The following NFATC3 variants were observed in gnomAD, a reference collection of about 807,000 sequenced individuals.
NFATC3 encodes the protein nuclear factor of activated T-cells, cytoplasmic 3.
NFATC3 carries 46 observed loss-of-function variants against 98.6 expected under a neutral mutation model. The ratio of observed to expected loss-of-function variants is 0.47; its 90% CI spans 0.37 to 0.60. The LOEUF (loss-of-function observed/expected upper bound fraction) is 0.60, where lower values mean the gene tolerates loss of function less well. Ranked by LOEUF, NFATC3 falls within the 20% of genes least tolerant of loss-of-function variation. NFATC3 has a pLI of 0.00. For missense variants in NFATC3, 1,256 were observed against 1,295.5 expected, an observed-to-expected ratio of 0.97 and a Z score of 0.47; for synonymous variants, 512 against 472.2, an observed-to-expected ratio of 1.08 and a Z score of -1.09.
intron 9 of NFATC3, among the ~76,000 whole-genome samples, chr16:68,204,670 T>C (rs2041067602): frequency 6.6e-6 from 1 of 152,172 alleles, no homozygotes; most frequent in South Asian, 2.1e-4. Flanking sequence ...AATCTCGCTT[T>C]CGTAAAGACA....
At chr16:68,202,491 A>G (rs2040966687) in intron 9 of NFATC3, among the ~76,000 whole-genome samples, 1 of 152,192 alleles carries the variant, frequency 6.6e-6, no homozygotes, top group African/African-American at 2.4e-5. Context: ...CCTGTTGGTT[A>G]GTGGTTTCAC....
chr16:68,176,309 T>C (rs943436440), intron 6 of NFATC3, among the ~76,000 whole-genome samples: 2 of 152,154 alleles, frequency 1.3e-5, no homozygotes, highest in African/African-American at 4.8e-5. Flanking sequence ...TAAAACTATT[T>C]ATAATTGCCA....
At chr16:68,177,498 A>AT (rs1266644828) in intron 6 of NFATC3, among the ~76,000 whole-genome samples, 2 of 151,642 alleles carry the variant, frequency 1.3e-5, no homozygotes, top group Admixed American at 6.6e-5. Context: ...CCATTTCTGG[A>AT]TTTTTTACCA....
intron 2 of NFATC3, among the ~76,000 whole-genome samples, chr16:68,123,403 T>C (rs1193327014): frequency 6.6e-6 from 1 of 151,684 alleles, no homozygotes; most frequent in Non-Finnish European, 1.5e-5. Context: ...GCTTATGCTT[T>C]GTATTCCCAA....
chr16:68,163,718 C>T, intron 4 of NFATC3, among the ~76,000 whole-genome samples: 1 of 151,268 alleles, frequency 6.6e-6, no homozygotes, highest in African/African-American at 2.4e-5. Context: ...CCTCACCTCC[C>T]AGACGGGGTC....
chr16:68,141,337 C>T (rs529814796), intron 3 of NFATC3, among the ~76,000 whole-genome samples: 45 of 152,078 alleles, frequency 3.0e-4, no homozygotes, highest in Non-Finnish European at 6.0e-4. Flanking sequence ...GTGGGATGGT[C>T]GGATTGAATG....
At position 68,219,603 on chromosome 16, in the gene NFATC3, C is replaced by A. The variant is rs536763440; in HGVS notation, c.3107-6747C>A. Among the ~76,000 whole-genome samples, 9 of 152,076 alleles carry A rather than the reference C, an allele frequency of 5.9e-5. No individual in the cohort carries two copies. The South Asian group carries it at 1.9e-3, about 32-fold the overall frequency. On this transcript the variant is annotated intron_variant, in intron 9 of 9. Transcript: ENST00000346183. ...ATAGTAATAATAATAATAATAACAC[C>A]TTCATAAAATTGTTTACCCAGGGGA...
At chr16:68,138,660 G>A in intron 3 of NFATC3, 1 of 1,288,388 alleles carries the variant, frequency 7.8e-7, no homozygotes, top group Non-Finnish European at 1.0e-6. Flanking sequence ...ACAATTTTTT[G>A]GCTACAAGTA....
chr16:68,127,712 A>G (rs1160746323), intron 3 of NFATC3, among the ~76,000 whole-genome samples: 3 of 151,870 alleles, frequency 2.0e-5, no homozygotes, highest in Non-Finnish European at 4.4e-5. Flanking sequence ...AGGAATTCCT[A>G]AAATATCTTT....
intron 3 of NFATC3, among the ~76,000 whole-genome samples, chr16:68,148,854 A>G (rs975138250): frequency 8.5e-5 from 13 of 152,106 alleles, no homozygotes; most frequent in African/African-American, 3.1e-4. Flanking sequence ...TAAAAATACA[A>G]AAAAATTAGC....
intron 6 of NFATC3, among the ~76,000 whole-genome samples, chr16:68,178,897 T>C (rs899380263): frequency 6.6e-6 from 1 of 152,182 alleles, no homozygotes; most frequent in Non-Finnish European, 1.5e-5. Flanking sequence ...TGTAAACATG[T>C]AACTCCCATT....
At chr16:68,124,756 G>A (rs371474927) in intron 2 of NFATC3, among the ~76,000 whole-genome samples, 2 of 146,204 alleles carry the variant, frequency 1.4e-5, no homozygotes, top group South Asian at 2.2e-4. Context: ...TTTTGAGACG[G>A]AATCTCACTG....
chr16:68,116,395 C>T (rs2036282113), intron 1 of NFATC3, among the ~76,000 whole-genome samples: 1 of 152,070 alleles, frequency 6.6e-6, no homozygotes, highest in Non-Finnish European at 1.5e-5. Flanking sequence ...CATAAGACAA[C>T]TTGGGTTGTC....
chr16:68,211,377 G>A (rs1440397789), intron 9 of NFATC3, among the ~76,000 whole-genome samples: 2 of 151,868 alleles, frequency 1.3e-5, no homozygotes, highest in African/African-American at 2.4e-5. Context: ...TAGTAGAGAC[G>A]GGGTTTCACC....
intron 3 of NFATC3, among the ~76,000 whole-genome samples, chr16:68,155,418 G>C (rs563604310): frequency 6.6e-6 from 1 of 152,292 alleles, no homozygotes; most frequent in East Asian, 1.9e-4. Context: ...CCAAGATCTA[G>C]TAACATAGCT....
chr16:68,142,642 C>T (rs1394150099), intron 3 of NFATC3, among the ~76,000 whole-genome samples: 1 of 151,966 alleles, frequency 6.6e-6, no homozygotes, highest in Non-Finnish European at 1.5e-5. Flanking sequence ...CCTGTAATCT[C>T]AGCTACTTGG....
intron 1 of NFATC3, among the ~76,000 whole-genome samples, chr16:68,104,838 T>G (rs2035567173): frequency 6.6e-6 from 1 of 151,790 alleles, no homozygotes; most frequent in Admixed American, 6.6e-5. Flanking sequence ...GTATTTTTAG[T>G]AGAGACAGGG....
rs114901712 is a variant in NFATC3, at chr16:68,118,153, C to T, written c.104-3834C>T. On this transcript the variant is annotated intron_variant, in intron 1 of 9. Coordinates refer to ENST00000346183, the MANE Select transcript of NFATC3 (RefSeq NM_173165.3). ...AACTATCACCTTCTCTCCCCAGCCC[C>T]GCTGACTCTCTTTCTTTGCTTGCTG... Among the ~76,000 whole-genome samples, 4 of 152,292 alleles carry T rather than the reference C, an allele frequency of 2.6e-5. No individual in the cohort carries two copies. In the South Asian group the frequency reaches 6.2e-4, roughly 24 times the overall value.
intron 1 of NFATC3, among the ~76,000 whole-genome samples, chr16:68,097,659 A>C (rs191146585): frequency 7.2e-5 from 11 of 152,366 alleles, no homozygotes; most frequent in African/African-American, 2.6e-4. Context: ...AAATTAGACA[A>C]TCAAGAGAAT....
Sources: gnomAD v4.1 joint callset for allele counts (sites outside exome capture counted in the v4.1 genomes callset) on GRCh38, gnomAD v4.1.1 for gene constraint, MANE v1.5 for transcripts, NCBI Gene and HGNC (gene_info 2026-07-23, HGNC 2026-07-21) for gene names.